TDRD3: variants seen among roughly 807,000 people sequenced by gnomAD.
TDRD3 encodes tudor domain-containing protein 3.
TDRD3 carries 45 observed loss-of-function variants against 86.7 expected under a neutral mutation model. That is an observed-to-expected ratio of 0.52 (90% confidence interval 0.41 to 0.67). TDRD3 has a LOEUF of 0.67. Among genes scored for constraint, TDRD3 ranks in the 30% least tolerant of loss-of-function variants. The pLI is 0.00. For missense variants in TDRD3, 814 were observed against 889.0 expected (o/e 0.92, Z 1.07); for synonymous variants, 298 against 301.7 (o/e 0.99, Z 0.13).
At chr13:60,424,397 G>T (rs1954745763) in intron 1 of TDRD3, among the ~76,000 whole-genome samples, 1 of 151,988 alleles carries the variant, frequency 6.6e-6, no homozygotes. Flanking sequence ...TACAGTTCTG[G>T]CTGGGCGCAG....
chr13:60,567,480 T>G, intron 12 of TDRD3, 45 bp from the exon 13 acceptor site: 1 of 1,613,586 alleles, frequency 6.2e-7, no homozygotes, highest in Middle Eastern at 1.6e-4. Flanking sequence ...CTTAAGAAAC[T>G]TGGAGCCATT....
intron 10 of TDRD3, among the ~76,000 whole-genome samples, chr13:60,521,547 T>C (rs778962291): frequency 1.4e-4 from 21 of 152,312 alleles, no homozygotes; most frequent in Non-Finnish European, 2.5e-4. Context: ...ACTGTTCATT[T>C]TAAAACTGAA....
At chr13:60,400,094 G>T (rs1269673014) in intron 1 of TDRD3, among the ~76,000 whole-genome samples, 2 of 152,116 alleles carry the variant, frequency 1.3e-5, no homozygotes, top group African/African-American at 4.8e-5. Flanking sequence ...AATGTTCCAG[G>T]GCTTTCTACA....
At chr13:60,400,831 C>T (rs1249310192) in intron 1 of TDRD3, among the ~76,000 whole-genome samples, 4 of 151,798 alleles carry the variant, frequency 2.6e-5, no homozygotes, top group Non-Finnish European at 5.9e-5. Flanking sequence ...CAGAGAGTTT[C>T]AATAATTTGC....
chr13:60,502,083 AC>A (rs1438663677), intron 8 of TDRD3, among the ~76,000 whole-genome samples: 2 of 152,212 alleles, frequency 1.3e-5, no homozygotes, highest in African/African-American at 4.8e-5. Context: ...CTAAAATTTT[AC>A]TTGCTAAGAT....
intron 3 of TDRD3, among the ~76,000 whole-genome samples, chr13:60,445,680 A>T (rs148192815): frequency 5.3e-5 from 8 of 152,316 alleles, no homozygotes; most frequent in Non-Finnish European, 1.0e-4. Context: ...TTTCCAGGAG[A>T]TGTAGAGTTC....
At chr13:60,424,052 TA>T (rs1452028258) in intron 1 of TDRD3, among the ~76,000 whole-genome samples, 1 of 152,034 alleles carries the variant, frequency 6.6e-6, no homozygotes, top group Non-Finnish European at 1.5e-5. Flanking sequence ...GATGGAGTCT[TA>T]CTCTGTCGCC....
intron 5 of TDRD3, 99 bp from the exon 6 acceptor site, chr13:60,483,676 A>G (rs145920266): frequency 0.055 from 58,380 of 1,052,926 alleles, 2,019 homozygotes; most frequent in Non-Finnish European, 0.065. Flanking sequence ...TATTTCTTAT[A>G]AGAATCTACT....
chr13:60,498,661 G>A (rs1338961111), intron 8 of TDRD3, among the ~76,000 whole-genome samples: 1 of 152,136 alleles, frequency 6.6e-6, no homozygotes, highest in Admixed American at 6.5e-5. Flanking sequence ...TTGAATGAAG[G>A]GGAGGCTGGG....
In TDRD3 at chr13:60,404,020, A is replaced by G. The variant is rs115389673; in HGVS notation, c.41+6615A>G. Among the ~76,000 whole-genome samples, 1,123 of 152,272 alleles carry G rather than the reference A, an allele frequency of 7.4e-3. 17 individuals carry two copies. The highest frequency in any genetic ancestry group is 0.026 in the African/African-American group (1,062 of 41,550). The stretch of plus-strand genomic sequence containing the variant: ...CAGGCAGAATTTAAACATGATATAC[A>G]CTGTTATTTTACTTGCAAGATTTTG... On this transcript the variant is annotated intron_variant, in intron 1 of 13. Coordinates refer to ENST00000377881, the MANE Select transcript of TDRD3 (RefSeq NM_001146070.2).
intron 10 of TDRD3, among the ~76,000 whole-genome samples, chr13:60,521,588 C>G (rs1287535908): frequency 1.3e-5 from 2 of 152,236 alleles, no homozygotes; most frequent in East Asian, 3.9e-4. Flanking sequence ...CATGAGTCTA[C>G]TTTTTGTTAA....
chr13:60,505,405 G>T, intron 8 of TDRD3, among the ~76,000 whole-genome samples: 1 of 152,176 alleles, frequency 6.6e-6, no homozygotes, highest in South Asian at 2.1e-4. Context: ...TCCTCTCTGG[G>T]GAGGGCATTT....
chr13:60,397,201 A>G (rs1953938037), upstream of TDRD3: 1 of 421,226 alleles, frequency 2.4e-6, no homozygotes, highest in Admixed American at 4.3e-5. Flanking sequence ...CGGAACCCGC[A>G]CGCGGAAGCG....
chr13:60,534,037 A>G (rs1957643880), intron 11 of TDRD3, among the ~76,000 whole-genome samples: 1 of 152,220 alleles, frequency 6.6e-6, no homozygotes, highest in African/African-American at 2.4e-5. Flanking sequence ...TTGGCCAGAC[A>G]TAGTGGCTCA....
chr13:60,406,221 T>A (rs1282349929), intron 1 of TDRD3, among the ~76,000 whole-genome samples: 1 of 152,136 alleles, frequency 6.6e-6, no homozygotes, highest in African/African-American at 2.4e-5. Flanking sequence ...GTGATTGAAA[T>A]GGTGCATGGA....
intron 12 of TDRD3, among the ~76,000 whole-genome samples, chr13:60,565,787 G>C (rs536183509): frequency 1.3e-5 from 2 of 152,206 alleles, no homozygotes; most frequent in African/African-American, 4.8e-5. Flanking sequence ...TCTTAAAATA[G>C]CTACTTTTCA....
At chr13:60,415,301 A>G (rs576354927) in intron 1 of TDRD3, among the ~76,000 whole-genome samples, 1 of 152,212 alleles carries the variant, frequency 6.6e-6, no homozygotes, top group South Asian at 2.1e-4. Flanking sequence ...GGACATTCAT[A>G]TCAACCGGGA....
chr13:60,572,075 G>A (rs1443123480), intron 13 of TDRD3, among the ~76,000 whole-genome samples: 1 of 152,154 alleles, frequency 6.6e-6, no homozygotes, highest in Non-Finnish European at 1.5e-5. Flanking sequence ...CGTTTGGAGA[G>A]GTTTCTGACA....
At chr13:60,420,666 G>T (rs1399552611) in intron 1 of TDRD3, among the ~76,000 whole-genome samples, 2 of 152,046 alleles carry the variant, frequency 1.3e-5, no homozygotes, top group African/African-American at 2.4e-5. Flanking sequence ...GACCAGGCTG[G>T]GCGTGGTGGC....
Sources: allele counts gnomAD v4.1 joint callset (sites outside exome capture counted in the v4.1 genomes callset), GRCh38; gene constraint gnomAD v4.1.1; transcripts MANE v1.5; gene names NCBI Gene and HGNC (gene_info 2026-07-23, HGNC 2026-07-21).